The following PRICKLE2 variants were observed in gnomAD, a reference collection of about 807,000 sequenced individuals.
PRICKLE2 encodes the protein prickle planar cell polarity protein 2, also known as prickle-like protein 2.
In PRICKLE2, 21 loss-of-function variants were observed where a neutral mutation model predicts 81.4. That is an observed-to-expected ratio of 0.26 (90% confidence interval 0.18 to 0.37). PRICKLE2 has a LOEUF of 0.37. Ranked by LOEUF, PRICKLE2 falls within the 10% of genes least tolerant of loss-of-function variation. The pLI, the probability that PRICKLE2 is intolerant of heterozygous loss-of-function variation, is 1.00. For missense variants in PRICKLE2, 940 were observed against 1,109.0 expected (o/e 0.85, Z 2.16); for synonymous variants, 456 against 421.5 (o/e 1.08, Z -1.00).
chr3:64,204,829 C>T (rs750679126), intron 1 of PRICKLE2, among the ~76,000 whole-genome samples: 1 of 152,052 alleles, frequency 6.6e-6, no homozygotes, highest in African/African-American at 2.4e-5. Flanking sequence ...ATTTAATAAC[C>T]TCCATGTATA....
chr3:64,253,451 C>A (rs1277416799), intron 2 of PRICKLE2, among the ~76,000 whole-genome samples: 1 of 152,152 alleles, frequency 6.6e-6, no homozygotes, highest in African/African-American at 2.4e-5. Context: ...CTCTCATGAA[C>A]CCTCAAGAAG....
rs2076571293 is a variant in PRICKLE2, at chr3:64,096,268, A to G, written c.*2783T>C. 1 of 152,230 alleles carries G rather than the reference A, an allele frequency of 6.6e-6. No individual in the cohort carries two copies. Among genetic ancestry groups the G allele is most frequent in the South Asian group, 2.1e-4 (1 of 4,832 alleles). The allele number at this position is 152,230 out of a possible 1,614,324, so 9.4% of individuals were successfully genotyped here. A position where few individuals can be genotyped will look rare whatever the true frequency, so the allele number is the denominator to read the frequency against. On this transcript the variant is annotated 3_prime_UTR_variant, in exon 8 of 8. Transcript: ENST00000638394. Reference sequence around the variant, plus strand: ...TGGAATTATGATCTAAGAGGAAGTGAGTACAGGCCCTACTCACAGGAGGAG... The same window carrying G: ...TGGAATTATGATCTAAGAGGAAGTGGGTACAGGCCCTACTCACAGGAGGAG...
intron 2 of PRICKLE2, among the ~76,000 whole-genome samples, chr3:64,235,857 G>A (rs1407268031): frequency 6.6e-6 from 1 of 152,138 alleles, no homozygotes; most frequent in Non-Finnish European, 1.5e-5. Flanking sequence ...TAGAAGCTAG[G>A]TGGAGAAAGA....
At chr3:64,222,470 A>G (rs1044678822) in intron 1 of PRICKLE2, among the ~76,000 whole-genome samples, 4 of 152,334 alleles carry the variant, frequency 2.6e-5, no homozygotes, top group African/African-American at 9.6e-5. Flanking sequence ...TTGGGAGGAA[A>G]GGGAGAAACA....
At chr3:64,237,408 G>A (rs879612550) in intron 2 of PRICKLE2, among the ~76,000 whole-genome samples, 3 of 152,088 alleles carry the variant, frequency 2.0e-5, no homozygotes, top group Admixed American at 6.5e-5. Flanking sequence ...TGAGTGGGAA[G>A]GTAGTCTTCC....
At chr3:64,193,950 C>T (rs1423307416) in intron 2 of PRICKLE2, among the ~76,000 whole-genome samples, 1 of 152,218 alleles carries the variant, frequency 6.6e-6, no homozygotes, top group Admixed American at 6.5e-5. Flanking sequence ...ATGTCTTTAT[C>T]AGTAGTGTGA....
chr3:64,221,859 G>A (rs1207303129), intron 1 of PRICKLE2, among the ~76,000 whole-genome samples: 3 of 152,128 alleles, frequency 2.0e-5, no homozygotes, highest in Admixed American at 1.3e-4. Flanking sequence ...TTGGGTCATT[G>A]AGCCCTTCTC....
At chr3:64,244,196 C>T (rs1385170492) in intron 2 of PRICKLE2, among the ~76,000 whole-genome samples, 3 of 152,168 alleles carry the variant, frequency 2.0e-5, no homozygotes, top group Non-Finnish European at 4.4e-5. Context: ...CGAAATCAAC[C>T]ACAGTCCTGG....
intron 3 of PRICKLE2, among the ~76,000 whole-genome samples, chr3:64,161,236 T>C (rs2077728164): frequency 6.6e-6 from 1 of 151,054 alleles, no homozygotes; most frequent in Admixed American, 6.6e-5. Flanking sequence ...CAATATGTGG[T>C]TTCGTTTCAT....
chr3:64,223,367 A>G (rs2078985100), intron 1 of PRICKLE2, among the ~76,000 whole-genome samples: 2 of 152,204 alleles, frequency 1.3e-5, no homozygotes, highest in South Asian at 4.1e-4. Flanking sequence ...AGCTTTAAGT[A>G]TCTTCAGCTC....
At chr3:64,242,624 C>T (rs1479913166) in intron 2 of PRICKLE2, among the ~76,000 whole-genome samples, 1 of 152,236 alleles carries the variant, frequency 6.6e-6, no homozygotes, top group Admixed American at 6.5e-5. Flanking sequence ...ACGACTTGGC[C>T]AGGGGCCAAG....
chr3:64,219,835 T>G (rs1399531378), intron 1 of PRICKLE2, among the ~76,000 whole-genome samples: 1 of 152,198 alleles, frequency 6.6e-6, no homozygotes, highest in Non-Finnish European at 1.5e-5. Context: ...CCAGCATTAC[T>G]CTTTACTCTC....
chr3:64,139,744 A>G (rs551560902), intron 7 of PRICKLE2, among the ~76,000 whole-genome samples: 1 of 152,246 alleles, frequency 6.6e-6, no homozygotes, highest in East Asian at 1.9e-4. Context: ...TCCAAGTCTT[A>G]TTACTCTAAG....
In PRICKLE2 at chr3:64,094,520, A is replaced by G. The variant is rs1404217716; in HGVS notation, c.*4531T>C. The G allele has an allele frequency of 2.0e-5, 3 of 152,198 alleles. No homozygotes were observed. Among genetic ancestry groups the G allele is most frequent in the Non-Finnish European group, 2.9e-5 (2 of 68,036 alleles). 9.4% of individuals were successfully genotyped at this position (152,198 alleles called of 1,614,324 possible). ...ACACTATGTGACTTTCCCCTCCTTT[A>G]TATTTCCTTGAGGAAAGCTAGTTTT... On this transcript the variant is annotated 3_prime_UTR_variant, in exon 8 of 8. Transcript: ENST00000638394.
intron 1 of PRICKLE2, among the ~76,000 whole-genome samples, chr3:64,222,707 C>T (rs978660822): frequency 6.6e-6 from 1 of 152,140 alleles, no homozygotes; most frequent in South Asian, 2.1e-4. Context: ...AGGAGCCAAC[C>T]AGCAGGTTAA....
chr3:64,121,306 A>C (rs72874653), intron 7 of PRICKLE2, among the ~76,000 whole-genome samples: 3,463 of 152,300 alleles, frequency 0.023, 148 homozygotes, highest in African/African-American at 0.078. Flanking sequence ...CTTCTCAAAA[A>C]CAGGCTTCAG....
chr3:64,229,545 G>A (rs948999431), upstream of PRICKLE2, among the ~76,000 whole-genome samples: 2 of 152,132 alleles, frequency 1.3e-5, no homozygotes, highest in Non-Finnish European at 2.9e-5. Context: ...TCTGAATATT[G>A]AGATAAGAAC....
rs2077649783 is a variant in PRICKLE2, at chr3:64,157,220, A to G, written c.542T>C (p.Ile181Thr). ...DLIYFYQDGK[I>T]YCGRHHAECL... ...CTCAGCATGGTGCCTGCCACAGTATATCTTCCCATCTTGGTAAAAGTAGAT... is the reference window on the plus strand; with the variant it reads ...CTCAGCATGGTGCCTGCCACAGTATGTCTTCCCATCTTGGTAAAAGTAGAT... Residue 181 changes from isoleucine (I) to threonine (T), a missense_variant, in exon 5 of 8, where the codon ATA becomes ACA. Transcript: ENST00000638394. 1 of 1,614,228 alleles carries G rather than the reference A, an allele frequency of 6.2e-7. No homozygotes were observed.
At chr3:64,102,842 T>G (rs2076689949) in intron 7 of PRICKLE2, 1 of 152,208 alleles carries the variant, frequency 6.6e-6, no homozygotes, top group African/African-American at 2.4e-5. Context: ...GGTCAATTAA[T>G]AATGGTGATA....
Sources: allele counts gnomAD v4.1 joint callset (sites outside exome capture counted in the v4.1 genomes callset), GRCh38; gene constraint gnomAD v4.1.1; transcripts MANE v1.5; gene names NCBI Gene and HGNC (gene_info 2026-07-23, HGNC 2026-07-21).